PKD1: variants seen among roughly 807,000 people sequenced by gnomAD.
PKD1 encodes the protein polycystin-1.
PKD1 carries 81 observed loss-of-function variants against 361.7 expected under a neutral mutation model. That is an observed-to-expected ratio of 0.22 (90% CI 0.19 to 0.27). PKD1 has a LOEUF of 0.27. Among genes scored for constraint, PKD1 ranks in the 10% least tolerant of loss-of-function variants. The probability of loss-of-function intolerance (pLI) is 1.00; values close to 1 mark genes in which losing one functional copy is unlikely to be tolerated. For synonymous variants in PKD1, 3,615 were observed against 2,818.3 expected (o/e 1.28, Z -8.95); for missense variants, 6,399 against 6,118.3 (o/e 1.05, Z -1.53).
chr16:2,094,032 A>G lies in PKD1; in HGVS notation c.10619-19T>C. 6.3e-7 allele frequency: 1 copy of G among 1,591,526 alleles called. No individual in the cohort carries two copies. ...ACCAGTCCTGGGGAAGCAGAGACAGACCTGTGAGAGGCAGCTCACAGGGAG... is the reference window on the plus strand; with the variant it reads ...ACCAGTCCTGGGGAAGCAGAGACAGGCCTGTGAGAGGCAGCTCACAGGGAG... On this transcript the variant is annotated intron_variant, in intron 35 of 45. Coordinates refer to ENST00000262304, the MANE Select transcript of PKD1 (RefSeq NM_001009944.3).
rs1458401425 is a variant in PKD1, at chr16:2,089,884, C to T, written c.12755G>A (p.Ser4252Asn). Residue 4252 changes from serine (S) to asparagine (N), a missense_variant, in exon 46 of 46, where the codon AGC becomes AAC. Coordinates refer to ENST00000262304, the MANE Select transcript of PKD1 (RefSeq NM_001009944.3). ...ACGGGAAGATCCGGCGGGCGCCCGG[C>T]TGCTCCTGCGGCCTTGCAGGCTGTG... ...QLHSLQGRRS[S>N]RAPAGSSRGP... 1 of 1,610,710 alleles carries T rather than the reference C, an allele frequency of 6.2e-7. No individual in the cohort carries two copies. The highest frequency in any genetic ancestry group is 1.7e-5 in the Admixed American group (1 of 59,822).
chr16:2,102,246 G>A lies in PKD1; in HGVS notation c.9212C>T (p.Ala3071Val), dbSNP rs1436871220. The part of the protein sequence containing the change: ...HVRFVFPEPT[A>V]DVNYIVMLTC... The stretch of plus-strand genomic sequence containing the variant: ...CAGCATGACGATGTAGTTTACATCC[G>A]CTGTCGGCTCCTGTGAGGACACAGC... Residue 3071 changes from alanine (A) to valine (V), a missense_variant, in exon 26 of 46, where the codon GCG (alanine) becomes GTG (valine). Coordinates refer to ENST00000262304, the MANE Select transcript of PKD1 (RefSeq NM_001009944.3). The A allele has an allele frequency of 1.7e-5, 26 of 1,520,418 alleles. No individual in the cohort carries two copies. The highest frequency in any genetic ancestry group is 2.3e-5 in the South Asian group (2 of 88,384). The allele number at this position is 1,520,418 out of a possible 1,614,324, so 94.2% of individuals were successfully genotyped here.
intron 20 of PKD1, 53 bp downstream of exon 20, chr16:2,105,812 G>A (rs2092317468): frequency 2.6e-6 from 4 of 1,552,264 alleles, no homozygotes; most frequent in Non-Finnish European, 3.5e-6. Context: ...TACAGGTCTT[G>A]GTCCCAAGCA....
At position 2,110,273 on chromosome 16, in the gene PKD1, T is replaced by A. The variant is rs747624284; in HGVS notation, c.4894A>T (p.Ile1632Leu). The change falls in exon 15 of 46, where the codon ATA (isoleucine) becomes TTA (leucine). Residue 1632 changes from isoleucine to leucine, a missense_variant. By Grantham distance (5) the Ile-to-Leu change is conservative. Transcript: ENST00000262304. Reference sequence around the variant, plus strand: ...CCGCCCACCACCTGCAGCCCCTCTATGAGCTGCAGGACATAGACGAAGATG... The same window carrying A: ...CCGCCCACCACCTGCAGCCCCTCTAAGAGCTGCAGGACATAGACGAAGATG... ...DSIFVYVLQL[I>L]EGLQVVGGGR... 3.7e-6 allele frequency: 6 copies of A among 1,612,046 alleles called. No individual in the cohort carries two copies. The Admixed American group carries it at 6.7e-5, about 18-fold the overall frequency.
chr16:2,089,613 CTG>C lies in PKD1; in HGVS notation c.*112_*113del, dbSNP rs1042428027. On this transcript the variant is annotated 3_prime_UTR_variant, in exon 46 of 46. Coordinates refer to ENST00000262304, the MANE Select transcript of PKD1 (RefSeq NM_001009944.3). Reference sequence around the variant, plus strand: ...ACAGACAGATGCCCCTGCCTGCTCTCTGGGGAACCTACGTGCAGCCATTCTGC... The same window carrying C: ...ACAGACAGATGCCCCTGCCTGCTCTCGGGAACCTACGTGCAGCCATTCTGC... 179 of 1,318,258 alleles carry C rather than the reference CTG, an allele frequency of 1.4e-4. 1 individual carries two copies. The Admixed American group carries it at 3.6e-3, about 26-fold the overall frequency. 81.7% of individuals were successfully genotyped at this position (1,318,258 alleles called of 1,614,324 possible).
rs1487382915 is a variant in PKD1, at chr16:2,110,299, C to T, written c.4868G>A (p.Ser1623Asn). ...GAGCTGCAGGACATAGACGAAGATG[C>T]TGTCCTGGGCGGAGCCCACCTCGTT... The part of the protein sequence containing the change: ...AENEVGSAQD[S>N]IFVYVLQLIE... The change falls in exon 15 of 46, where the codon AGC (serine) becomes AAC (asparagine). Residue 1623 changes from serine to asparagine, a missense_variant. Physicochemically the swap from Ser to Asn is conservative, Grantham distance 46 (BLOSUM62 1). Transcript: ENST00000262304. 2.5e-6 allele frequency: 4 copies of T among 1,612,536 alleles called. No individual in the cohort carries two copies. The highest frequency in any genetic ancestry group is 1.3e-5 in the African/African-American group (1 of 74,936).
rs1230521725 is a variant in PKD1, at chr16:2,103,608, C to A, written c.8449G>T (p.Ala2817Ser). The change falls in exon 23 of 46, where the codon GCC (alanine) becomes TCC (serine). Residue 2817 changes from alanine (A) to serine (S), a missense_variant. Transcript: ENST00000262304. ...AGCTGCACCACGTCACTGAGGTTGG[C>A]CAGGGCCCCGCTGAAAGCCTCGGGG... ...SIPEAFSGAL[A>S]NLSDVVQLIF... 6.2e-7 allele frequency: 1 copy of A among 1,610,470 alleles called. No homozygotes were observed. Among genetic ancestry groups the A allele is most frequent in the Non-Finnish European group, 8.5e-7 (1 of 1,179,724 alleles).
chr16:2,090,144 G>A lies in PKD1; in HGVS notation c.12495C>T (p.Ser4165=), dbSNP rs567741728. Residue 4165 remains serine, a synonymous_variant, in exon 46 of 46, where the codon TCC becomes TCT. Transcript: ENST00000262304. ...CCGGGGATACCTTGGAGCCCCTGGA[G>A]GAGCGAGAGGGCAGCGGCTCCATCC... ...FEGMEPLPSR[S]SRGSKVSPDV... 1.2e-5 allele frequency: 19 copies of A among 1,595,642 alleles called. No homozygotes were observed. Among genetic ancestry groups the A allele is most frequent in the African/African-American group, 5.4e-5 (4 of 74,724 alleles).
chr16:2,119,900 G>A (rs2092693448), intron 1 of PKD1: 3 of 700,022 alleles, frequency 4.3e-6, no homozygotes, highest in South Asian at 3.0e-5. Context: ...CCACCTCGAG[G>A]CATAAACCCA....
chr16:2,092,728 C>T lies in PKD1; in HGVS notation c.11157-136G>A, dbSNP rs573073217. The T allele has an allele frequency of 1.3e-5, 11 of 841,738 alleles. No homozygotes were observed. In the South Asian group the frequency reaches 1.4e-4, roughly 11 times the overall value. 52.1% of individuals were successfully genotyped at this position (841,738 alleles called of 1,614,324 possible). On this transcript the variant is annotated intron_variant, in intron 38 of 45. Coordinates refer to ENST00000262304, the MANE Select transcript of PKD1 (RefSeq NM_001009944.3). The stretch of plus-strand genomic sequence containing the variant: ...CTAGACCTGGGCTTCTCAGCCTTAT[C>T]CTGGGGATGTTCTGGGGCAGACAGT...
At chr16:2,115,024 G>A (rs1237787536) in intron 10 of PKD1, 99 bp from the exon 11 acceptor site, 37 of 1,513,026 alleles carry the variant, frequency 2.4e-5, no homozygotes, top group South Asian at 7.5e-5. Context: ...TCCCCGCTTC[G>A]TCAGCCACAC....
rs1023586335 is a variant in PKD1, at chr16:2,118,246, G to C, written c.746C>G (p.Ser249Cys). ...GGGGGCAGGAGGTGGCGGGGGGCCG[G>C]AGCAGAGGGACAGGCAGGCAAAGGA... ...SASFACLSLC[S>C]GPPPPPAPTC... The change falls in exon 5 of 46, where the codon TCC becomes TGC. Residue 249 changes from serine to cysteine, a missense_variant. Transcript: ENST00000262304. The surrounding 1 kb of genome is among the most constrained non-coding windows in gnomAD (Gnocchi z 6.0). The C allele has an allele frequency of 6.5e-7, 1 of 1,531,680 alleles. No homozygotes were observed. The highest frequency in any genetic ancestry group is 8.7e-7 in the Non-Finnish European group (1 of 1,143,134). The allele number at this position is 1,531,680 out of a possible 1,614,324, so 94.9% of individuals were successfully genotyped here.
intron 9 of PKD1, 97 bp downstream of exon 9, chr16:2,115,895 C>G: frequency 7.3e-7 from 1 of 1,377,530 alleles, no homozygotes. Context: ...CTGGGAACCA[C>G]TCTGGTGGCC....
chr16:2,106,309 G>C lies in PKD1; in HGVS notation c.7490-5C>G, dbSNP rs759940394. The C allele has an allele frequency of 8.0e-5, 128 of 1,608,858 alleles. No individual in the cohort carries two copies. Among genetic ancestry groups the C allele is most frequent in the Non-Finnish European group, 1.1e-4 (124 of 1,178,610 alleles). ...CATCCTCCGCGTCATGCCAGCCTGA[G>C]GGACGGTCCCCACGGCATCACGGGA... is the stretch of plus-strand genomic sequence containing the variant. On this transcript the variant is annotated splice_region_variant and splice_polypyrimidine_tract_variant and intron_variant, in intron 18 of 45. Coordinates refer to ENST00000262304, the MANE Select transcript of PKD1 (RefSeq NM_001009944.3). The surrounding 1 kb of genome is among the most constrained non-coding windows in gnomAD (Gnocchi z 6.5).
chr16:2,098,294 C>T, intron 30 of PKD1: 2 of 440,716 alleles, frequency 4.5e-6, no homozygotes, highest in Non-Finnish European at 8.4e-6. Context: ...CTGCAACCTC[C>T]ACCTCCCGCG....
intron 16 of PKD1, 24 bp downstream of exon 16, chr16:2,107,859 G>A (rs775191274): frequency 4.5e-6 from 7 of 1,540,802 alleles, no homozygotes; most frequent in Non-Finnish European, 6.1e-6. Flanking sequence ...CAAGGCAAGT[G>A]GCCGAGGGGC....
rs201173724 is a variant in PKD1 at position 2,090,269 on chromosome 16, A to G, written c.12444+16T>C. The G allele has an allele frequency of 1.2e-6, 2 of 1,606,784 alleles. No homozygotes were observed. The highest frequency in any genetic ancestry group is 4.5e-5 in the East Asian group (2 of 44,722). ...CCCAGGGCGTGTCCCTCTCCCCCCC[A>G]CTGGGCCGTACCCACCTCCTTGACC... On this transcript the variant is annotated intron_variant, in intron 45 of 45. Transcript: ENST00000262304.
chr16:2,088,777 A>AT lies in PKD1; in HGVS notation c.*949_*950insA, dbSNP rs1217137451. ...GGGGTTGGGGGGGTGTCGAGGCTCTAGAAGCGGCCATGCCCACAGAAGTGG... is the reference window on the plus strand; with the variant it reads ...GGGGTTGGGGGGGTGTCGAGGCTCTATGAAGCGGCCATGCCCACAGAAGTGG... On this transcript the variant is annotated 3_prime_UTR_variant, in exon 46 of 46. Coordinates refer to ENST00000262304, the MANE Select transcript of PKD1 (RefSeq NM_001009944.3). 4.2e-6 allele frequency: 4 copies of AT among 944,802 alleles called. No individual in the cohort carries two copies. The highest frequency in any genetic ancestry group is 6.2e-6 in the Non-Finnish European group (4 of 646,154). The allele number at this position is 944,802 out of a possible 1,614,324, so 58.5% of individuals were successfully genotyped here.
At chr16:2,095,067 GAGTTGGAGAC>G (rs1398012058) in intron 34 of PKD1, 1 of 152,214 alleles carries the variant, frequency 6.6e-6, no homozygotes, top group Non-Finnish European at 1.5e-5. Context: ...TTGAGCTCAG[GAGTTGGAGAC>G]AGTGAGACCC....
Sources: allele counts gnomAD v4.1 joint callset, GRCh38; gene constraint gnomAD v4.1.1; non-coding constraint Gnocchi (gnomAD v3.1); transcripts MANE v1.5; gene names NCBI Gene and HGNC (gene_info 2026-07-23, HGNC 2026-07-21).